The following BACH2 variants were observed in gnomAD, a reference collection of about 807,000 sequenced individuals.
BACH2 encodes the protein BACH transcriptional regulator 2.
BACH2 carries 5 observed loss-of-function variants against 61.8 expected under a neutral mutation model. That is an observed-to-expected ratio of 0.08 (90% CI 0.04 to 0.17). The LOEUF (loss-of-function observed/expected upper bound fraction) is 0.17. Ranked by LOEUF, BACH2 falls within the 10% of genes least tolerant of loss-of-function variation. The pLI is 1.00. For missense variants in BACH2, 824 were observed against 1,091.1 expected (o/e 0.76, Z 3.45); for synonymous variants, 446 against 440.1 (o/e 1.01, Z -0.17).
intron 3 of BACH2, among the ~76,000 whole-genome samples, chr6:90,239,710 T>G (rs1009227725): frequency 6.6e-6 from 1 of 151,746 alleles, no homozygotes; most frequent in Non-Finnish European, 1.5e-5. Flanking sequence ...TTATGTTATC[T>G]CTGAAGGGAT....
chr6:90,255,933 C>T (rs1562528682), intron 2 of BACH2, among the ~76,000 whole-genome samples: 1 of 152,236 alleles, frequency 6.6e-6, no homozygotes, highest in East Asian at 1.9e-4. Flanking sequence ...GTGACTATGC[C>T]CTTCTCATAT....
At chr6:90,212,288 A>G (rs1423557662) in intron 3 of BACH2, among the ~76,000 whole-genome samples, 2 of 152,164 alleles carry the variant, frequency 1.3e-5, no homozygotes, top group African/African-American at 4.8e-5. Flanking sequence ...AAAGGCAAAG[A>G]AACTAGACTC....
chr6:90,129,868 G>T (rs537791653), intron 4 of BACH2, among the ~76,000 whole-genome samples: 322 of 146,780 alleles, frequency 2.2e-3, no homozygotes, highest in Middle Eastern at 7.1e-3. Context: ...TTTTTTTTTT[G>T]TTGTTGTTGT....
intron 5 of BACH2, among the ~76,000 whole-genome samples, chr6:90,046,152 T>C (rs1779768162): frequency 6.6e-6 from 1 of 152,184 alleles, no homozygotes; most frequent in African/African-American, 2.4e-5. Context: ...TGGCTGCCAA[T>C]GAGAGCTCTG....
intron 4 of BACH2, among the ~76,000 whole-genome samples, chr6:90,156,931 A>G (rs1168376899): frequency 6.6e-6 from 1 of 152,230 alleles, no homozygotes; most frequent in Non-Finnish European, 1.5e-5. Flanking sequence ...AGAGAGAAGA[A>G]GGGATGGTAG....
intron 5 of BACH2, among the ~76,000 whole-genome samples, chr6:90,010,152 T>C (rs1777630587): frequency 6.6e-6 from 1 of 152,212 alleles, no homozygotes; most frequent in East Asian, 1.9e-4. Flanking sequence ...ATTTGATGTT[T>C]TGATTGTGTA....
chr6:90,014,677 G>A (rs777978301), intron 5 of BACH2, among the ~76,000 whole-genome samples: 23 of 151,118 alleles, frequency 1.5e-4, no homozygotes, highest in African/African-American at 9.7e-5. Context: ...GTTTCACCAC[G>A]TTGGCCAGGA....
intron 6 of BACH2, among the ~76,000 whole-genome samples, chr6:89,972,431 A>G (rs1385833289): frequency 6.6e-6 from 1 of 152,298 alleles, no homozygotes; most frequent in East Asian, 1.9e-4. Flanking sequence ...CAAGACTGAG[A>G]ACGACTAAAA....
chr6:89,964,173 A>G (rs978772326), intron 6 of BACH2, among the ~76,000 whole-genome samples: 3 of 151,564 alleles, frequency 2.0e-5, no homozygotes, highest in South Asian at 2.1e-4. Context: ...AACCTGCACA[A>G]TGTGCACACG....
At chr6:90,188,760 G>GAAAAA (rs57618295) in intron 4 of BACH2, among the ~76,000 whole-genome samples, 29 of 78,734 alleles carry the variant, frequency 3.7e-4, no homozygotes, top group African/African-American at 7.3e-4. Flanking sequence ...GCCCCAAAAT[G>GAAAAA]AAAAAAAAAA....
rs750346902 is a variant in BACH2, at chr6:89,930,150, CACACACACACACACAA to C, written c.*2242_*2257del. 1 of 141,846 alleles carries C rather than the reference CACACACACACACACAA, an allele frequency of 7.0e-6. No individual in the cohort carries two copies. Among genetic ancestry groups the C allele is most frequent in the African/African-American group, 2.6e-5 (1 of 38,656 alleles). The allele number at this position is 141,846 out of a possible 1,614,324, so 8.8% of individuals were successfully genotyped here. A position where few individuals can be genotyped will look rare whatever the true frequency, so the allele number is the denominator to read the frequency against. On this transcript the variant is annotated 3_prime_UTR_variant, in exon 9 of 9. Transcript: ENST00000257749. ...ACACACACACACACACACACACACA[CACACACACACACACAA>C]ACAAGAAAAAACAAAAACCCAGAGG...
chr6:90,247,203 C>A lies in BACH2; in HGVS notation c.-275+5310G>T, dbSNP rs79181383. ...GAGAGGACTGTTGTAGTACATTTGA[C>A]ATGTAATATATTTAAACAAGTATCA... On this transcript the variant is annotated intron_variant, in intron 3 of 8. Coordinates refer to ENST00000257749, the MANE Select transcript of BACH2 (RefSeq NM_021813.4). 6.4e-3 allele frequency among the ~76,000 whole-genome samples: 979 copies of A among 151,880 alleles called. 9 individuals carry two copies. The highest frequency in any genetic ancestry group is 0.023 in the African/African-American group (935 of 41,446).
intron 6 of BACH2, among the ~76,000 whole-genome samples, chr6:90,007,238 C>G (rs1003634521): frequency 6.6e-6 from 1 of 151,984 alleles, no homozygotes; most frequent in African/African-American, 2.4e-5. Flanking sequence ...CCATGCCTGG[C>G]TAATATTTTG....
intron 4 of BACH2, among the ~76,000 whole-genome samples, chr6:90,168,184 C>A (rs1767693977): frequency 6.6e-6 from 1 of 152,088 alleles, no homozygotes; most frequent in Admixed American, 6.5e-5. Context: ...CATAGTGAGA[C>A]CCCATCTCTA....
At chr6:90,157,750 C>T (rs1785042932) in intron 4 of BACH2, among the ~76,000 whole-genome samples, 1 of 152,094 alleles carries the variant, frequency 6.6e-6, no homozygotes, top group Non-Finnish European at 1.5e-5. Context: ...AGGGTTGCAC[C>T]AGCTAGAAAG....
At chr6:90,065,686 C>T (rs536603699) in intron 5 of BACH2, among the ~76,000 whole-genome samples, 186 of 152,236 alleles carry the variant, frequency 1.2e-3, no homozygotes, top group Admixed American at 4.8e-3. Context: ...CTCACAGAAT[C>T]GTGAGAAATA....
chr6:89,992,541 G>A (rs1776634540), intron 6 of BACH2, among the ~76,000 whole-genome samples: 1 of 152,232 alleles, frequency 6.6e-6, no homozygotes, highest in Non-Finnish European at 1.5e-5. Flanking sequence ...TTGGGAGGCT[G>A]AGGCAGAAGA....
At chr6:90,084,297 T>C (rs1270577954) in intron 5 of BACH2, among the ~76,000 whole-genome samples, 1 of 150,702 alleles carries the variant, frequency 6.6e-6, no homozygotes, top group African/African-American at 2.5e-5. Flanking sequence ...CTCTACTTTA[T>C]GTCATTTTGT....
intron 5 of BACH2, among the ~76,000 whole-genome samples, chr6:90,064,322 C>A (rs1347538568): frequency 6.6e-6 from 1 of 152,160 alleles, no homozygotes; most frequent in Non-Finnish European, 1.5e-5. Context: ...AGTATCTCAA[C>A]AGGCACATAT....
Sources: allele counts gnomAD v4.1 joint callset (sites outside exome capture counted in the v4.1 genomes callset), GRCh38; gene constraint gnomAD v4.1.1; transcripts MANE v1.5; gene names NCBI Gene and HGNC (gene_info 2026-07-23, HGNC 2026-07-21).